Variants in RBFOX1 observed in about 807,000 individuals in gnomAD.
The protein encoded by RBFOX1 is RNA binding protein fox-1 homolog 1.
In RBFOX1, 8 loss-of-function variants were observed where a neutral mutation model predicts 57.7. The observed-to-expected ratio is 0.14, with a 90% confidence interval of 0.08 to 0.25. The LOEUF (loss-of-function observed/expected upper bound fraction) is 0.25, where lower values mean the gene tolerates loss of function less well. RBFOX1 is among the 10% of genes least tolerant of loss of function. The probability of loss-of-function intolerance (pLI) is 1.00; values close to 1 mark genes in which losing one functional copy is unlikely to be tolerated. For missense variants in RBFOX1, 611 were observed against 548.5 expected (o/e 1.11, Z -1.14); for synonymous variants, 326 against 222.4 (o/e 1.47, Z -4.15).
At chr16:5,244,329 G>T (rs1197644924) in intron 1 of RBFOX1, among the ~76,000 whole-genome samples, 3 of 152,196 alleles carry the variant, frequency 2.0e-5, no homozygotes, top group Admixed American at 6.5e-5. Flanking sequence ...CACCTAGACT[G>T]CAGAGTGGAT....
chr16:5,475,553 A>G (rs1426330344), intron 2 of RBFOX1, among the ~76,000 whole-genome samples: 1 of 152,252 alleles, frequency 6.6e-6, no homozygotes, highest in African/African-American at 2.4e-5. Flanking sequence ...TCAATAATTT[A>G]TAATTTTGAC....
intron 3 of RBFOX1, among the ~76,000 whole-genome samples, chr16:6,845,725 T>G (rs1303680405): frequency 6.6e-6 from 1 of 152,200 alleles, no homozygotes; most frequent in Non-Finnish European, 1.5e-5. Flanking sequence ...CACAGACCCA[T>G]GTACCTCCTT....
chr16:6,662,485 G>A (rs567366622), intron 3 of RBFOX1, among the ~76,000 whole-genome samples: 4 of 152,250 alleles, frequency 2.6e-5, no homozygotes, highest in South Asian at 2.1e-4. Flanking sequence ...CCTGCAGGCC[G>A]GTATTGTACA....
intron 3 of RBFOX1, among the ~76,000 whole-genome samples, chr16:5,750,588 C>T (rs767423624): frequency 5.3e-5 from 8 of 152,230 alleles, no homozygotes; most frequent in Non-Finnish European, 8.8e-5. Context: ...CCCCCAGCCT[C>T]GCTGCCGTCT....
Position 5,727,509 on chromosome 16 carries a change from C to T in RBFOX1, c.318+128548C>T, listed in dbSNP as rs57369498. Among the ~76,000 whole-genome samples the T allele has an allele frequency of 7.5e-3, 1,143 of 152,318 alleles. 14 individuals are homozygous for T. The highest frequency in any genetic ancestry group is 0.026 in the African/African-American group (1,064 of 41,580). ...TTGTATGTGTGTGTATATCTACTCT[C>T]TTTGCGTATTTCAAATGTACAATAC... On this transcript the variant is annotated intron_variant, in intron 3 of 19. Transcript: ENST00000641259.
rs569954613 is a variant in RBFOX1 at position 7,097,428 on chromosome 16, T to C, written c.27+45330T>C. On this transcript the variant is annotated intron_variant, in intron 4 of 15. Transcript: ENST00000550418. ...GATCCCCATCTCCCATGCAACACCCTGGCATTAAAGCAGGGAAAGAGAGAA... is the reference window on the plus strand; with the variant it reads ...GATCCCCATCTCCCATGCAACACCCCGGCATTAAAGCAGGGAAAGAGAGAA... Among the ~76,000 whole-genome samples, 22 of 152,248 alleles carry C rather than the reference T, an allele frequency of 1.4e-4. No individual in the cohort carries two copies. In the South Asian group the frequency reaches 4.6e-3, roughly 32 times the overall value.
chr16:6,794,325 C>G (rs1244947377), intron 3 of RBFOX1, among the ~76,000 whole-genome samples: 1 of 138,782 alleles, frequency 7.2e-6, no homozygotes, highest in African/African-American at 2.7e-5. Context: ...TCCAATCGGG[C>G]TAATACAAAC....
chr16:6,704,041 C>T (rs1188251118), intron 3 of RBFOX1: 1 of 152,456 alleles, frequency 6.6e-6, no homozygotes, highest in Non-Finnish European at 1.5e-5. Flanking sequence ...CCATCTAATT[C>T]CCCCTCCTCC....
chr16:7,037,733 G>C (rs1018499589), intron 3 of RBFOX1, among the ~76,000 whole-genome samples: 1 of 152,158 alleles, frequency 6.6e-6, no homozygotes, highest in African/African-American at 2.4e-5. Flanking sequence ...ATTTGTTCAA[G>C]GTCTGTAAGC....
intron 4 of RBFOX1, among the ~76,000 whole-genome samples, chr16:7,493,075 C>T (rs974058985): frequency 6.6e-6 from 1 of 152,170 alleles, no homozygotes; most frequent in Admixed American, 6.5e-5. Flanking sequence ...GATGGGGTTT[C>T]ACTATGTTGG....
chr16:7,445,343 C>G (rs997923728), intron 4 of RBFOX1, among the ~76,000 whole-genome samples: 3 of 152,180 alleles, frequency 2.0e-5, no homozygotes, highest in African/African-American at 7.2e-5. Context: ...CCCGCTACTC[C>G]TCTCTTAATC....
At chr16:6,843,509 A>C (rs1322706779) in intron 3 of RBFOX1, among the ~76,000 whole-genome samples, 1 of 152,058 alleles carries the variant, frequency 6.6e-6, no homozygotes, top group Non-Finnish European at 1.5e-5. Context: ...TAACACTGTG[A>C]AACCCCGTCT....
chr16:7,451,020 C>T (rs919260011), intron 4 of RBFOX1, among the ~76,000 whole-genome samples: 2 of 152,224 alleles, frequency 1.3e-5, no homozygotes, highest in East Asian at 3.9e-4. Flanking sequence ...CTGGGCTTCG[C>T]TTCTGAGTGG....
intron 1 of RBFOX1, among the ~76,000 whole-genome samples, chr16:6,175,256 T>C (rs1350832068): frequency 6.6e-6 from 1 of 152,192 alleles, no homozygotes; most frequent in African/African-American, 2.4e-5. Flanking sequence ...TGGTCTCCTT[T>C]GGATAAACAT....
intron 3 of RBFOX1, among the ~76,000 whole-genome samples, chr16:5,658,101 C>A (rs1056258463): frequency 2.0e-5 from 3 of 152,176 alleles, no homozygotes; most frequent in Admixed American, 1.3e-4. Flanking sequence ...AATGCCTGCT[C>A]TGTGGCTACA....
chr16:7,450,855 C>T (rs1259167637), intron 4 of RBFOX1, among the ~76,000 whole-genome samples: 1 of 152,066 alleles, frequency 6.6e-6, no homozygotes, highest in Non-Finnish European at 1.5e-5. Flanking sequence ...GCGACGGGCC[C>T]AGCATCAGCA....
intron 2 of RBFOX1, among the ~76,000 whole-genome samples, chr16:6,600,230 C>A (rs140469261): frequency 1.6e-4 from 24 of 152,222 alleles, no homozygotes; most frequent in African/African-American, 5.8e-4. Flanking sequence ...TGCTGATGAA[C>A]ACGAAATCCA....
At chr16:5,409,196 A>C (rs1020191590) in intron 1 of RBFOX1, among the ~76,000 whole-genome samples, 1 of 152,196 alleles carries the variant, frequency 6.6e-6, no homozygotes, top group African/African-American at 2.4e-5. Context: ...TGGCAGGTCT[A>C]TTTAAATGGC....
intron 4 of RBFOX1, among the ~76,000 whole-genome samples, chr16:7,319,702 TA>T (rs2143007355): frequency 6.6e-6 from 1 of 152,312 alleles, no homozygotes; most frequent in Admixed American, 6.5e-5. Context: ...GTTCCTTACT[TA>T]GCAATTACAT....
Sources: gnomAD v4.1 joint callset for allele counts (sites outside exome capture counted in the v4.1 genomes callset) on GRCh38, gnomAD v4.1.1 for gene constraint, MANE v1.5 for transcripts, NCBI Gene and HGNC (gene_info 2026-07-23, HGNC 2026-07-21) for gene names.